The following ZNF585B variants were observed in gnomAD, a reference collection of about 807,000 sequenced individuals.
ZNF585B encodes the protein zinc finger protein 585B, also known as zinc finger protein 41-like protein.
Under a neutral mutation model 14.0 loss-of-function variants are expected in ZNF585B, and 7 were observed. The observed-to-expected ratio is 0.50, with a 90% CI of 0.28 to 0.94. The LOEUF is 0.94. Among genes scored for constraint, ZNF585B ranks in the 40% least tolerant of loss-of-function variants. The pLI is 0.09. For missense variants in ZNF585B, 750 were observed against 924.4 expected (o/e 0.81, Z 2.45); for synonymous variants, 290 against 317.3 (o/e 0.91, Z 0.91).
chr19:37,190,173 A>G, intron 2 of ZNF585B, 23 bp from the exon 3 acceptor site: 1 of 1,613,990 alleles, frequency 6.2e-7, no homozygotes, highest in South Asian at 1.1e-5. Flanking sequence ...ATTCCTGTTC[A>G]ATGTGCATAG....
At chr19:37,208,244 TA>T (rs1467440207) in intron 1 of ZNF585B, among the ~76,000 whole-genome samples, 1 of 152,204 alleles carries the variant, frequency 6.6e-6, no homozygotes, top group Non-Finnish European at 1.5e-5. Context: ...GTGCTGGGAT[TA>T]CAGGCGTGAG....
In ZNF585B at chr19:37,183,304, C is replaced by T. The variant is rs1972281884; in HGVS notation, c.*1923G>A. The T allele has an allele frequency of 6.6e-6, 1 of 152,172 alleles. No individual in the cohort carries two copies. The highest frequency in any genetic ancestry group is 1.5e-5 in the Non-Finnish European group (1 of 68,080). 9.4% of individuals were successfully genotyped at this position (152,172 alleles called of 1,614,324 possible). A position where few individuals can be genotyped will look rare whatever the true frequency, so the allele number is the denominator to read the frequency against. ...GGTGTGTTTTAGCCAAGTTGGTTCTCCCTATTAGCGCTTCTTATGCTGCAA... is the reference window on the plus strand; with the variant it reads ...GGTGTGTTTTAGCCAAGTTGGTTCTTCCTATTAGCGCTTCTTATGCTGCAA... On this transcript the variant is annotated 3_prime_UTR_variant, in exon 5 of 5. Transcript: ENST00000532828.
At chr19:37,189,964 C>A (rs1225703887) in intron 3 of ZNF585B, 60 bp downstream of exon 3, 2 of 1,600,390 alleles carry the variant, frequency 1.2e-6, no homozygotes, top group African/African-American at 2.7e-5. Context: ...CATTCGTCAA[C>A]TGAGAATGAA....
chr19:37,206,950 CTG>C, intron 2 of ZNF585B, 88 bp downstream of exon 2: 5 of 1,527,708 alleles, frequency 3.3e-6, no homozygotes, highest in Non-Finnish European at 3.6e-6. Context: ...TTCCTAAGGC[CTG>C]TCTGCCTCTG....
intron 2 of ZNF585B, among the ~76,000 whole-genome samples, chr19:37,197,824 G>A (rs1438369894): frequency 2.0e-5 from 3 of 152,062 alleles, no homozygotes; most frequent in Non-Finnish European, 4.4e-5. Context: ...TGGCAAAACC[G>A]CAATTACTTT....
rs1195514441 is a variant in ZNF585B at position 37,184,886 on chromosome 19, G to A, written c.*341C>T. The A allele has an allele frequency of 2.2e-6, 1 of 446,202 alleles. No homozygotes were observed. The highest frequency in any genetic ancestry group is 3.9e-6 in the Non-Finnish European group (1 of 254,510). 27.6% of individuals were successfully genotyped at this position (446,202 alleles called of 1,614,324 possible). On this transcript the variant is annotated 3_prime_UTR_variant, in exon 5 of 5. Transcript: ENST00000532828. ...CTGTTGGCACTATACCTAATCCACA[G>A]TAAACAGGATTATCATTCCCATAAT... is the stretch of plus-strand genomic sequence containing the variant.
intron 2 of ZNF585B, among the ~76,000 whole-genome samples, chr19:37,202,677 T>C (rs7259715): frequency 0.023 from 3,481 of 149,816 alleles, 159 homozygotes; most frequent in African/African-American, 0.08. Flanking sequence ...AGTTTCGCGC[T>C]TGTTTTCCAG....
chr19:37,194,091 G>T (rs1203725097), intron 2 of ZNF585B, among the ~76,000 whole-genome samples: 1 of 152,192 alleles, frequency 6.6e-6, no homozygotes, highest in Non-Finnish European at 1.5e-5. Context: ...GAGCTGTGTA[G>T]GAAGGTGGTT....
At chr19:37,198,872 G>A in intron 2 of ZNF585B, 2 of 913,458 alleles carry the variant, frequency 2.2e-6, no homozygotes, top group Admixed American at 2.7e-5. Context: ...GCAGATGGAA[G>A]TGGAAAGAAA....
intron 2 of ZNF585B, among the ~76,000 whole-genome samples, chr19:37,206,123 T>C (rs1256923988): frequency 1.3e-5 from 2 of 149,818 alleles, no homozygotes; most frequent in Non-Finnish European, 3.0e-5. Context: ...TAACATTACA[T>C]CCATGAAATA....
intron 2 of ZNF585B, among the ~76,000 whole-genome samples, chr19:37,204,848 G>A (rs1370242929): frequency 1.3e-5 from 2 of 151,886 alleles, no homozygotes; most frequent in Admixed American, 1.3e-4. Context: ...CTAGGTTCAA[G>A]CGATTCTCCT....
At position 37,184,470 on chromosome 19, in the gene ZNF585B, A is replaced by AAG. The variant is rs781624891; in HGVS notation, c.*755_*756dup. 1 of 116,102 alleles carries AAG rather than the reference A, an allele frequency of 8.6e-6. No individual in the cohort carries two copies. The highest frequency in any genetic ancestry group is 3.7e-5 in the African/African-American group (1 of 26,766). The allele number at this position is 116,102 out of a possible 1,614,324, so 7.2% of individuals were successfully genotyped here. On this transcript the variant is annotated 3_prime_UTR_variant, in exon 5 of 5. Coordinates refer to ENST00000532828, the MANE Select transcript of ZNF585B (RefSeq NM_152279.4). ...AAAGAAAGAAAGAAAGAAAGAAAGA[A>AAG]AGAAAGAAAGAAAGAAAGAAAGAAA...
chr19:37,196,165 A>G, intron 2 of ZNF585B: 1 of 152,196 alleles, frequency 6.6e-6, no homozygotes, highest in East Asian at 1.9e-4. Flanking sequence ...AAAGCACAAA[A>G]AAAGAAAACT....
intron 2 of ZNF585B, among the ~76,000 whole-genome samples, chr19:37,193,522 A>G (rs1470677313): frequency 4.0e-5 from 6 of 151,680 alleles, no homozygotes; most frequent in Admixed American, 1.3e-4. Flanking sequence ...TCACGCCTAT[A>G]GTCACAGTAT....
chr19:37,190,239 G>C, intron 2 of ZNF585B, 89 bp from the exon 3 acceptor site: 1 of 1,541,326 alleles, frequency 6.5e-7, no homozygotes, highest in Non-Finnish European at 8.8e-7. Context: ...GGGTTTTGTT[G>C]TTTTTAATTT....
At chr19:37,189,359 T>C (rs1030398578) in intron 4 of ZNF585B, among the ~76,000 whole-genome samples, 21 of 152,062 alleles carry the variant, frequency 1.4e-4, no homozygotes, top group Admixed American at 1.2e-3. Context: ...AATACCTGGA[T>C]GTAAACGAGA....
chr19:37,196,614 C>T (rs1460605910), intron 2 of ZNF585B, among the ~76,000 whole-genome samples: 1 of 152,102 alleles, frequency 6.6e-6, no homozygotes, highest in African/African-American at 2.4e-5. Flanking sequence ...CCACCCAAAA[C>T]AGCAAGGCCA....
At chr19:37,193,197 C>T (rs1172346073) in intron 2 of ZNF585B, among the ~76,000 whole-genome samples, 2 of 151,956 alleles carry the variant, frequency 1.3e-5, no homozygotes, top group African/African-American at 2.4e-5. Context: ...TAGGGCTGGA[C>T]ATGGTGGCTC....
Position 37,200,127 on chromosome 19 carries a change from A to G in ZNF585B, c.72+6913T>C, listed in dbSNP as rs531749994. 1.4e-3 allele frequency among the ~76,000 whole-genome samples: 202 copies of G among 146,332 alleles called. 3 individuals are homozygous for G. Among genetic ancestry groups the G allele is most frequent in the African/African-American group, 5.1e-3 (196 of 38,260 alleles). On this transcript the variant is annotated intron_variant, in intron 2 of 4. Coordinates refer to ENST00000532828, the MANE Select transcript of ZNF585B (RefSeq NM_152279.4). ...AACCCAAGGAAGAAATAGTGGAAAA[A>G]CAGATAGGCTAAGAATGTGGTTATG... is the stretch of plus-strand genomic sequence containing the variant.
Sources: gnomAD v4.1 joint callset for allele counts (sites outside exome capture counted in the v4.1 genomes callset) on GRCh38, gnomAD v4.1.1 for gene constraint, MANE v1.5 for transcripts, NCBI Gene and HGNC (gene_info 2026-07-23, HGNC 2026-07-21) for gene names.